Variants in CACNA1D observed in about 807,000 individuals in gnomAD.
CACNA1D encodes voltage-dependent L-type calcium channel subunit alpha-1D.
Under a neutral mutation model 257.1 loss-of-function variants are expected in CACNA1D, and 55 were observed. The ratio of observed to expected loss-of-function variants is 0.21; its 90% confidence interval spans 0.17 to 0.27. The LOEUF (loss-of-function observed/expected upper bound fraction) is 0.27, where lower values mean the gene tolerates loss of function less well. Ranked by LOEUF, CACNA1D falls within the 10% of genes least tolerant of loss-of-function variation. The pLI, the probability that CACNA1D is intolerant of heterozygous loss-of-function variation, is 1.00. For synonymous variants in CACNA1D, 980 were observed against 1,014.9 expected (o/e 0.97, Z 0.65); for missense variants, 1,876 against 2,784.0 (o/e 0.67, Z 7.34).
intron 3 of CACNA1D, among the ~76,000 whole-genome samples, chr3:53,650,081 G>C (rs1178803161): frequency 1.3e-5 from 2 of 152,236 alleles, no homozygotes; most frequent in South Asian, 2.1e-4. Context: ...GGAAAGGTCA[G>C]AGGCTCTGCC....
intron 39 of CACNA1D, among the ~76,000 whole-genome samples, chr3:53,784,108 G>A (rs1024268720): frequency 6.6e-6 from 1 of 152,232 alleles, no homozygotes; most frequent in Non-Finnish European, 1.5e-5. Flanking sequence ...GTGGATACAT[G>A]TCAGGCTTGC....
rs2095163240 is a variant in CACNA1D at position 53,745,821 on chromosome 3, AG to A, written c.3117del. 1 of 1,613,428 alleles carries A rather than the reference AG, an allele frequency of 6.2e-7. No individual in the cohort carries two copies. Among genetic ancestry groups the A allele is most frequent in the Non-Finnish European group, 8.5e-7 (1 of 1,179,426 alleles). The stretch of plus-strand genomic sequence containing the variant: ...TTAACTGCCTGTCTATTTTATACCC[AG>A]GGGAAGTTCTATCGCTGTACGGATG... On this transcript the variant is annotated splice_acceptor_variant, in intron 24 of 47. Transcript: ENST00000350061. LOFTEE classifies it high-confidence loss of function.
intron 8 of CACNA1D, among the ~76,000 whole-genome samples, chr3:53,699,543 C>T (rs139177302): frequency 1.8e-4 from 27 of 152,300 alleles, no homozygotes; most frequent in African/African-American, 5.5e-4. Context: ...GGTCTTCAGA[C>T]GAAGAGCCCA....
At chr3:53,778,432 G>T (rs577476830) in intron 37 of CACNA1D, among the ~76,000 whole-genome samples, 1 of 152,224 alleles carries the variant, frequency 6.6e-6, no homozygotes, top group Non-Finnish European at 1.5e-5. Flanking sequence ...AGAGGGTGCC[G>T]GGGTTGGTAG....
At chr3:53,695,672 T>C (rs964542382) in intron 8 of CACNA1D, among the ~76,000 whole-genome samples, 1 of 152,166 alleles carries the variant, frequency 6.6e-6, no homozygotes, top group Admixed American at 6.5e-5. Context: ...TTTTTCCAAA[T>C]AGTCGTGTAA....
Position 53,776,603 on chromosome 3 carries a change from A to G in CACNA1D, c.4363A>G (p.Ile1455Val). 6.2e-7 allele frequency: 1 copy of G among 1,614,156 alleles called. No homozygotes were observed. The highest frequency in any genetic ancestry group is 8.5e-7 in the Non-Finnish European group (1 of 1,180,024). The stretch of plus-strand genomic sequence containing the variant: ...CTTCCTTTCCTATTTGCTTTTTCAG[A>G]TCATCAATCTGTTTGTGGCTGTCAT... ...ISFYMLCAFLIINLFVAVIMD... is the reference protein window; with the variant it reads ...ISFYMLCAFLVINLFVAVIMD... Residue 1455 changes from isoleucine (I) to valine (V), a missense_variant and splice_region_variant, in exon 36 of 48, where the codon ATC becomes GTC. By Grantham distance (29) the Ile-to-Val change is conservative. Transcript: ENST00000350061.
chr3:53,719,856 G>C (rs936290485), intron 11 of CACNA1D, 75 bp downstream of exon 11: 1 of 1,310,348 alleles, frequency 7.6e-7, no homozygotes. Flanking sequence ...ATTTTACGTA[G>C]TATTGCTCTG....
chr3:53,684,823 C>T (rs2094461290), intron 8 of CACNA1D, among the ~76,000 whole-genome samples: 3 of 151,970 alleles, frequency 2.0e-5, no homozygotes, highest in Admixed American at 6.6e-5. Flanking sequence ...AAAGTTACTA[C>T]ATTTTGAAAT....
At chr3:53,574,345 A>G (rs1029099555) in intron 3 of CACNA1D, among the ~76,000 whole-genome samples, 4 of 152,094 alleles carry the variant, frequency 2.6e-5, no homozygotes, top group African/African-American at 7.2e-5. Context: ...TTCTCACCGG[A>G]TCTCCATCAT....
At chr3:53,605,446 A>G (rs1364802367) in intron 3 of CACNA1D, among the ~76,000 whole-genome samples, 1 of 152,206 alleles carries the variant, frequency 6.6e-6, no homozygotes, top group Non-Finnish European at 1.5e-5. Context: ...TGAGCAGCAC[A>G]CTGAAAGCTA....
At position 53,800,852 on chromosome 3, in the gene CACNA1D, G is replaced by A; in HGVS notation, c.5041-206G>A. 9.6e-6 allele frequency: 6 copies of A among 623,444 alleles called. No individual in the cohort carries two copies. In the South Asian group the frequency reaches 1.1e-4, roughly 12 times the overall value. 38.6% of individuals were successfully genotyped at this position (623,444 alleles called of 1,614,324 possible). ...AGCCGACAGCTTGCTCCCCAGCTCA[G>A]GAAATCGGTAACCTTCCTCATCTCG... On this transcript the variant is annotated intron_variant, in intron 41 of 47. Transcript: ENST00000350061. The surrounding 1 kb of genome is among the most constrained non-coding windows in gnomAD (Gnocchi z 4.3).
At chr3:53,619,891 G>T (rs754922261) in intron 3 of CACNA1D, among the ~76,000 whole-genome samples, 1 of 152,154 alleles carries the variant, frequency 6.6e-6, no homozygotes, top group African/African-American at 2.4e-5. Context: ...TTGAATGTCC[G>T]CTTGGTGCCT....
chr3:53,622,126 C>T (rs1431569796), intron 3 of CACNA1D, among the ~76,000 whole-genome samples: 5 of 152,152 alleles, frequency 3.3e-5, no homozygotes, highest in East Asian at 3.9e-4. Flanking sequence ...TCTCAGCTCA[C>T]GGCAACCTCT....
rs1264104303 is a variant in CACNA1D at position 53,811,687 on chromosome 3, T to TGCCCC, written c.*282_*286dup. The TGCCCC allele has an allele frequency of 3.1e-6, 1 of 327,588 alleles. No individual in the cohort carries two copies. The highest frequency in any genetic ancestry group is 2.1e-5 in the African/African-American group (1 of 47,206). The allele number at this position is 327,588 out of a possible 1,614,324, so 20.3% of individuals were successfully genotyped here. A position where few individuals can be genotyped will look rare whatever the true frequency, so the allele number is the denominator to read the frequency against. ...ATGGGTGAGGAGGCCAGACCTGCCC[T>TGCCCC]GCCCCATTGTCCAGATGGGCACTGC... On this transcript the variant is annotated 3_prime_UTR_variant, in exon 48 of 48. Transcript: ENST00000350061. This position sits in a 1 kb window ranked among gnomAD's most constrained non-coding sequence, Gnocchi z 4.2.
chr3:53,707,794 T>TAA (rs112419673), intron 9 of CACNA1D, among the ~76,000 whole-genome samples: 1 of 146,964 alleles, frequency 6.8e-6, no homozygotes, highest in Non-Finnish European at 1.5e-5. Context: ...TGATTAGTCT[T>TAA]AAAAAAAAAA....
intron 40 of CACNA1D, among the ~76,000 whole-genome samples, chr3:53,787,561 C>T (rs1216706773): frequency 6.6e-6 from 1 of 152,118 alleles, no homozygotes; most frequent in Admixed American, 6.5e-5. Flanking sequence ...TCTGGTCCCT[C>T]TCCCTCCTCC....
At chr3:53,682,052 A>G (rs2094434784) in intron 8 of CACNA1D, among the ~76,000 whole-genome samples, 1 of 152,196 alleles carries the variant, frequency 6.6e-6, no homozygotes, top group Non-Finnish European at 1.5e-5. Flanking sequence ...ACTATGTCAC[A>G]GGTTTTGGTC....
chr3:53,621,764 C>T (rs915462874), intron 3 of CACNA1D, among the ~76,000 whole-genome samples: 20 of 151,994 alleles, frequency 1.3e-4, no homozygotes, highest in Admixed American at 9.2e-4. Flanking sequence ...ATCCATGCAA[C>T]ACAATAATAA....
At chr3:53,671,002 C>T (rs1057079864) in intron 7 of CACNA1D, among the ~76,000 whole-genome samples, 1 of 152,194 alleles carries the variant, frequency 6.6e-6, no homozygotes, top group African/African-American at 2.4e-5. Flanking sequence ...CACCTTCTGA[C>T]TTAGAGATTT....
Sources: allele counts gnomAD v4.1 joint callset (sites outside exome capture counted in the v4.1 genomes callset), GRCh38; gene constraint gnomAD v4.1.1; non-coding constraint Gnocchi (gnomAD v3.1); transcripts MANE v1.5; gene names NCBI Gene and HGNC (gene_info 2026-07-23, HGNC 2026-07-21).